RGS20: variants seen among roughly 807,000 people sequenced by gnomAD.
RGS20 encodes regulator of G protein signaling 20, also known as gz-selective GTPase-activating protein.
RGS20 carries 30 observed loss-of-function variants against 33.6 expected under a neutral mutation model. That is an observed-to-expected ratio of 0.89 (90% CI 0.67 to 1.21). The LOEUF is 1.21. Among genes scored for constraint, RGS20 ranks in the 50% most tolerant of loss-of-function variants. The pLI, the probability that RGS20 is intolerant of heterozygous loss-of-function variation, is 0.00. For synonymous variants in RGS20, 208 were observed against 197.9 expected, an observed-to-expected ratio of 1.05 and a Z score of -0.43; for missense variants, 472 against 502.4, an observed-to-expected ratio of 0.94 and a Z score of 0.58.
At chr8:53,896,946 C>T (rs1812880918) in intron 2 of RGS20, among the ~76,000 whole-genome samples, 1 of 152,040 alleles carries the variant, frequency 6.6e-6, no homozygotes, top group African/African-American at 2.4e-5. Context: ...AAGAATCATC[C>T]CAGGATAAAA....
chr8:53,907,985 G>A (rs1033626280), intron 2 of RGS20, among the ~76,000 whole-genome samples: 3 of 152,176 alleles, frequency 2.0e-5, no homozygotes, highest in African/African-American at 7.2e-5. Flanking sequence ...GCATTCTGCA[G>A]GGTAGAGTCT....
chr8:53,894,155 G>T (rs915554666), intron 2 of RGS20, among the ~76,000 whole-genome samples: 2 of 152,062 alleles, frequency 1.3e-5, no homozygotes, highest in African/African-American at 2.4e-5. Context: ...TTTGTCCTGG[G>T]TCTCTGTGTC....
chr8:53,924,610 C>CT (rs1813744090), intron 2 of RGS20, among the ~76,000 whole-genome samples: 1 of 152,198 alleles, frequency 6.6e-6, no homozygotes, highest in African/African-American at 2.4e-5. Context: ...AGGCATGAGC[C>CT]ACCATGCCCA....
intron 1 of RGS20, among the ~76,000 whole-genome samples, chr8:53,859,239 G>A (rs1309766564): frequency 6.6e-6 from 1 of 152,156 alleles, no homozygotes; most frequent in East Asian, 1.9e-4. Flanking sequence ...CACCACAATG[G>A]AAGCTGTTGT....
At chr8:53,888,849 C>T (rs1208310721) in intron 2 of RGS20, among the ~76,000 whole-genome samples, 1 of 152,176 alleles carries the variant, frequency 6.6e-6, no homozygotes, top group Non-Finnish European at 1.5e-5. Flanking sequence ...GGTTCTTTAG[C>T]TCAGCATTAT....
At chr8:53,853,494 G>T (rs778110316) in intron 1 of RGS20, among the ~76,000 whole-genome samples, 6 of 152,136 alleles carry the variant, frequency 3.9e-5, no homozygotes, top group Admixed American at 6.5e-5. Context: ...AGCAGGTGAG[G>T]GTAGAAGGAA....
At chr8:53,876,096 C>G (rs1211205761) in intron 1 of RGS20, 3 of 152,170 alleles carry the variant, frequency 2.0e-5, no homozygotes, top group Admixed American at 2.0e-4. Flanking sequence ...CAAAGTGGAA[C>G]TTAAAAATAA....
chr8:53,922,063 T>C (rs1192181085), intron 2 of RGS20, among the ~76,000 whole-genome samples: 9 of 152,138 alleles, frequency 5.9e-5, no homozygotes, highest in African/African-American at 2.2e-4. Context: ...TTGTTGATCT[T>C]CTATCTAGTT....
chr8:53,952,579 A>G (rs1390559547), intron 4 of RGS20, among the ~76,000 whole-genome samples: 1 of 151,484 alleles, frequency 6.6e-6, no homozygotes, highest in Non-Finnish European at 1.5e-5. Context: ...ACAAAAAATT[A>G]CCCGGGTGTG....
chr8:53,876,374 T>C, intron 1 of RGS20: 1 of 152,196 alleles, frequency 6.6e-6, no homozygotes. Flanking sequence ...CATGATTGAT[T>C]AGGGAAGTGG....
intron 2 of RGS20, among the ~76,000 whole-genome samples, chr8:53,929,634 C>T (rs1482326752): frequency 6.6e-6 from 1 of 152,320 alleles, no homozygotes; most frequent in East Asian, 1.9e-4. Context: ...CACCATTGCA[C>T]TCCAGCCTGG....
chr8:53,917,210 C>T (rs1055744552), intron 2 of RGS20, among the ~76,000 whole-genome samples: 4 of 152,016 alleles, frequency 2.6e-5, no homozygotes, highest in Non-Finnish European at 4.4e-5. Context: ...TGCAGTGGTG[C>T]GATCTCAGCT....
At chr8:53,915,096 A>T (rs1183208889) in intron 2 of RGS20, among the ~76,000 whole-genome samples, 2 of 151,794 alleles carry the variant, frequency 1.3e-5, no homozygotes, top group Non-Finnish European at 2.9e-5. Context: ...GTGAGCCGAG[A>T]TCGCGCCACT....
chr8:53,946,150 T>C (rs1007329609), intron 3 of RGS20, among the ~76,000 whole-genome samples: 1 of 152,322 alleles, frequency 6.6e-6, no homozygotes, highest in Middle Eastern at 3.4e-3. Flanking sequence ...AGAGGATGTA[T>C]ACTTTTTAAG....
intron 1 of RGS20, among the ~76,000 whole-genome samples, chr8:53,866,352 G>A (rs1415116267): frequency 1.3e-5 from 2 of 151,982 alleles, no homozygotes; most frequent in Admixed American, 6.6e-5. Context: ...CCCCTGTGAG[G>A]CTAAAAGGAA....
chr8:53,905,311 T>C (rs1813134153), intron 2 of RGS20, among the ~76,000 whole-genome samples: 1 of 152,168 alleles, frequency 6.6e-6, no homozygotes, highest in East Asian at 1.9e-4. Flanking sequence ...GGAAGCAAAG[T>C]TTAGAATTTC....
intron 2 of RGS20, among the ~76,000 whole-genome samples, chr8:53,922,954 C>T (rs1813693737): frequency 6.6e-6 from 1 of 152,112 alleles, no homozygotes; most frequent in Admixed American, 6.6e-5. Flanking sequence ...AGAAAATGTG[C>T]CTGGCCCTGA....
intron 2 of RGS20, among the ~76,000 whole-genome samples, chr8:53,890,376 T>A (rs1460109924): frequency 6.6e-6 from 1 of 152,230 alleles, no homozygotes; most frequent in Non-Finnish European, 1.5e-5. Flanking sequence ...CATCTAATTC[T>A]TATCTACTAA....
chr8:53,862,203 C>A (rs1300869602), intron 1 of RGS20, among the ~76,000 whole-genome samples: 1 of 152,104 alleles, frequency 6.6e-6, no homozygotes, highest in Non-Finnish European at 1.5e-5. Context: ...TTCTCTCATT[C>A]TGGCCTAGTT....
Sources: allele counts gnomAD v4.1 joint callset (sites outside exome capture counted in the v4.1 genomes callset), GRCh38; gene constraint gnomAD v4.1.1; transcripts MANE v1.5; gene names NCBI Gene and HGNC (gene_info 2026-07-23, HGNC 2026-07-21).